PIEZO2: variants seen among roughly 807,000 people sequenced by gnomAD.
PIEZO2 encodes the protein piezo type mechanosensitive ion channel component 2, also known as piezo-type mechanosensitive ion channel component 2.
In PIEZO2, 172 loss-of-function variants were observed where a neutral mutation model predicts 337.3. The observed-to-expected ratio is 0.51, with a 90% CI of 0.45 to 0.58. PIEZO2 has a LOEUF of 0.58. Ranked by LOEUF, PIEZO2 falls within the 20% of genes least tolerant of loss-of-function variation. The probability of loss-of-function intolerance (pLI) is 0.00; values close to 1 mark genes in which losing one functional copy is unlikely to be tolerated. For synonymous variants in PIEZO2, 1,251 were observed against 1,228.5 expected (o/e 1.02, Z -0.38); for missense variants, 3,028 against 3,391.3 (o/e 0.89, Z 2.66).
intron 4 of PIEZO2, among the ~76,000 whole-genome samples, chr18:10,904,990 C>A (rs181569651): frequency 6.6e-6 from 1 of 152,134 alleles, no homozygotes; most frequent in Non-Finnish European, 1.5e-5. Flanking sequence ...GAAGCACAGG[C>A]TTAAAAATGT....
intron 2 of PIEZO2, among the ~76,000 whole-genome samples, chr18:11,061,750 T>C (rs915365954): frequency 2.0e-5 from 3 of 151,980 alleles, no homozygotes; most frequent in Non-Finnish European, 2.9e-5. Flanking sequence ...CTCAATGAAA[T>C]AAAAGAGGAT....
chr18:10,719,718 T>C (rs1457734551), intron 36 of PIEZO2, among the ~76,000 whole-genome samples: 1 of 152,220 alleles, frequency 6.6e-6, no homozygotes, highest in African/African-American at 2.4e-5. Context: ...ATATATGTAG[T>C]AGTGGGACTG....
At position 10,969,854 on chromosome 18, in the gene PIEZO2, C is replaced by T. The variant is rs956277714; in HGVS notation, c.286+9681G>A. 6.6e-6 allele frequency among the ~76,000 whole-genome samples: 1 copy of T among 151,990 alleles called. No homozygotes were observed. The highest frequency in any genetic ancestry group is 2.4e-5 in the African/African-American group (1 of 41,382). ...GGTGAGGACACCACCGAGAATCGGT[C>T]ACAAAACAAAGCAAGAGAGTCATCA... On this transcript the variant is annotated intron_variant, in intron 3 of 55. Coordinates refer to ENST00000674853, the MANE Select transcript of PIEZO2 (RefSeq NM_001378183.1). This position sits in a 1 kb window ranked among gnomAD's most constrained non-coding sequence, Gnocchi z 4.5.
At chr18:11,119,249 G>A (rs573009200) in intron 1 of PIEZO2, among the ~76,000 whole-genome samples, 1 of 151,102 alleles carries the variant, frequency 6.6e-6, no homozygotes, top group Non-Finnish European at 1.5e-5. Context: ...CTGGGTTCAA[G>A]TGATTCTCCT....
chr18:11,100,638 C>T (rs1438278117), intron 1 of PIEZO2, among the ~76,000 whole-genome samples: 1 of 152,150 alleles, frequency 6.6e-6, no homozygotes, highest in Non-Finnish European at 1.5e-5. Flanking sequence ...CTCTGTCGCC[C>T]AGGCTGGAGT....
At chr18:10,887,946 C>T (rs1411058510) in intron 4 of PIEZO2, among the ~76,000 whole-genome samples, 1 of 152,134 alleles carries the variant, frequency 6.6e-6, no homozygotes, top group Non-Finnish European at 1.5e-5. Flanking sequence ...CCAGCTTTGT[C>T]TGCTGGGTCA....
intron 9 of PIEZO2, 144 bp from the exon 10 acceptor site, chr18:10,801,572 T>C: frequency 1.4e-6 from 1 of 714,388 alleles, no homozygotes; most frequent in East Asian, 2.7e-5. Flanking sequence ...ATGCAAAATA[T>C]AAAAGGACAA....
At position 10,825,548 on chromosome 18, in the gene PIEZO2, TCC is replaced by T. The variant is rs1309796315; in HGVS notation, c.918-18276_918-18275del. Among the ~76,000 whole-genome samples, 169 of 130,034 alleles carry T rather than the reference TCC, an allele frequency of 1.3e-3. 3 individuals carry two copies. The highest frequency in any genetic ancestry group is 4.9e-3 in the African/African-American group (155 of 31,350). The allele number at this position is 130,034 out of a possible 152,430, so 85.3% of individuals were successfully genotyped here. On this transcript the variant is annotated intron_variant, in intron 7 of 55. Coordinates refer to ENST00000674853, the MANE Select transcript of PIEZO2 (RefSeq NM_001378183.1). ...TTTTTTTCCACTTTCTTTCCTTTCT[TCC>T]TTTTTTTTTTTTTTTTTTGAGACAG...
At position 11,149,365 on chromosome 18, in the gene PIEZO2, G is replaced by A. The variant is rs112174627; in HGVS notation, c.-777C>T. Among the ~76,000 whole-genome samples, 13 of 152,120 alleles carry A rather than the reference G, an allele frequency of 8.5e-5. No individual in the cohort carries two copies. The highest frequency in any genetic ancestry group is 2.7e-4 in the African/African-American group (11 of 41,446). On this transcript the variant is annotated 5_prime_UTR_variant, in exon 1 of 56. Coordinates refer to ENST00000674853, the MANE Select transcript of PIEZO2 (RefSeq NM_001378183.1). This position sits in a 1 kb window ranked among gnomAD's most constrained non-coding sequence, Gnocchi z 8.7. ...GAGTCCCTCCCTCACTCGAAGGAAC[G>A]GCGCGAGCGTGGGGAGAAATGGAGA...
At position 10,826,266 on chromosome 18, in the gene PIEZO2, C is replaced by A. The variant is rs146989879; in HGVS notation, c.918-18992G>T. On this transcript the variant is annotated intron_variant, in intron 7 of 55. Transcript: ENST00000674853. ...GAACAAGAAAATATGTGTGCATATACGCAGATATAGAAATATTTATCCATA... is the reference window on the plus strand; with the variant it reads ...GAACAAGAAAATATGTGTGCATATAAGCAGATATAGAAATATTTATCCATA... Among the ~76,000 whole-genome samples the A allele has an allele frequency of 9.2e-5, 14 of 152,214 alleles. No homozygotes were observed. In the South Asian group the frequency reaches 1.9e-3, roughly 20 times the overall value.
chr18:10,785,479 G>GT (rs2039186773), intron 16 of PIEZO2, among the ~76,000 whole-genome samples: 1 of 152,158 alleles, frequency 6.6e-6, no homozygotes, highest in Admixed American at 6.5e-5. Context: ...GAAATTGGTT[G>GT]TTTCACAGTT....
chr18:10,671,617 C>A lies in PIEZO2; in HGVS notation c.8508G>T (p.Leu2836=). 6.2e-7 allele frequency: 1 copy of A among 1,613,910 alleles called. No homozygotes were observed. Among genetic ancestry groups the A allele is most frequent in the Non-Finnish European group, 8.5e-7 (1 of 1,179,898 alleles). ...DIFLVRETGE[L]ELEEDLYAKL... Reference sequence around the variant, plus strand: ...TGGCATAGAGATCTTCTTCTAGCTCCAGTTCTCCTGTCTCTCGAACTAAAA... The same window carrying A: ...TGGCATAGAGATCTTCTTCTAGCTCAAGTTCTCCTGTCTCTCGAACTAAAA... Residue 2836 remains leucine (L), a synonymous_variant, in exon 56 of 56, where the codon CTG becomes CTT. Transcript: ENST00000674853.
chr18:10,710,902 C>T (rs973411224), intron 39 of PIEZO2, among the ~76,000 whole-genome samples: 1 of 152,180 alleles, frequency 6.6e-6, no homozygotes, highest in African/African-American at 2.4e-5. Flanking sequence ...AGTGAGGTAA[C>T]TCCTTTACTG....
At chr18:10,718,308 T>C in intron 36 of PIEZO2, 49 bp from the exon 37 acceptor site, 4 of 1,418,768 alleles carry the variant, frequency 2.8e-6, no homozygotes, top group Non-Finnish European at 3.8e-6. Flanking sequence ...CTAGGGTAAA[T>C]TAAATGCCAA....
intron 4 of PIEZO2, among the ~76,000 whole-genome samples, chr18:10,908,112 C>G (rs2030125885): frequency 1.3e-5 from 2 of 152,130 alleles, no homozygotes; most frequent in South Asian, 4.1e-4. Flanking sequence ...TATTATGAGA[C>G]AATGCATATA....
rs1349913132 is a variant in PIEZO2 at position 10,862,876 on chromosome 18, A to G, written c.493-5665T>C. Among the ~76,000 whole-genome samples, 2 of 152,208 alleles carry G rather than the reference A, an allele frequency of 1.3e-5. No homozygotes were observed. The highest frequency in any genetic ancestry group is 2.4e-5 in the African/African-American group (1 of 41,444). On this transcript the variant is annotated intron_variant, in intron 5 of 55. Transcript: ENST00000674853. This position sits in a 1 kb window ranked among gnomAD's most constrained non-coding sequence, Gnocchi z 4.4. ...AATTTGAAAATATATTTTTTTAATCATATCCTAGCAGACTCCCTTATTTGG... is the reference window on the plus strand; with the variant it reads ...AATTTGAAAATATATTTTTTTAATCGTATCCTAGCAGACTCCCTTATTTGG...
Position 10,759,602 on chromosome 18 carries a change from C to T in PIEZO2, c.3656-19G>A, listed in dbSNP as rs767013597. The T allele has an allele frequency of 7.2e-5, 111 of 1,535,530 alleles. No individual in the cohort carries two copies. In the Admixed American group the frequency reaches 1.3e-3, roughly 18 times the overall value. Reference sequence around the variant, plus strand: ...GGGTAATCTGCAGGGAGGGAAGTGGCGAACAGCACAATCAATACTCTTCTT... The same window carrying T: ...GGGTAATCTGCAGGGAGGGAAGTGGTGAACAGCACAATCAATACTCTTCTT... On this transcript the variant is annotated intron_variant, in intron 25 of 55. Coordinates refer to ENST00000674853, the MANE Select transcript of PIEZO2 (RefSeq NM_001378183.1). This position sits in a 1 kb window ranked among gnomAD's most constrained non-coding sequence, Gnocchi z 5.5.
chr18:10,987,077 A>C (rs1302517343), intron 2 of PIEZO2, among the ~76,000 whole-genome samples: 1 of 152,090 alleles, frequency 6.6e-6, no homozygotes, highest in African/African-American at 2.4e-5. Context: ...TAAATGAAAA[A>C]TATATCCCAT....
At chr18:10,816,196 C>T (rs541180632) in intron 7 of PIEZO2, among the ~76,000 whole-genome samples, 2 of 152,318 alleles carry the variant, frequency 1.3e-5, no homozygotes, top group South Asian at 4.1e-4. Context: ...ACCCACCTCC[C>T]ATGCTGTGTG....
Sources: allele counts gnomAD v4.1 joint callset (sites outside exome capture counted in the v4.1 genomes callset), GRCh38; gene constraint gnomAD v4.1.1; non-coding constraint Gnocchi (gnomAD v3.1); transcripts MANE v1.5; gene names NCBI Gene and HGNC (gene_info 2026-07-23, HGNC 2026-07-21).